Variants in PUM1 observed in about 807,000 individuals in gnomAD.
The protein encoded by PUM1 is pumilio homolog 1.
Under a neutral mutation model 131.8 loss-of-function variants are expected in PUM1, and 13 were observed. The ratio of observed to expected loss-of-function variants is 0.10; its 90% CI spans 0.06 to 0.16. The LOEUF is 0.16. Among genes scored for constraint, PUM1 ranks in the 10% least tolerant of loss-of-function variants. The pLI, the probability that PUM1 is intolerant of heterozygous loss-of-function variation, is 1.00. For synonymous variants in PUM1, 509 were observed against 556.5 expected (o/e 0.91, Z 1.20); for missense variants, 961 against 1,512.4 (o/e 0.64, Z 6.05).
At chr1:31,033,929 C>T (rs1213261225) in intron 2 of PUM1, among the ~76,000 whole-genome samples, 3 of 152,036 alleles carry the variant, frequency 2.0e-5, no homozygotes, top group Non-Finnish European at 4.4e-5. Flanking sequence ...TATTAGCCAC[C>T]GCACCCAGCC....
At chr1:31,013,669 G>T (rs1440672013) in intron 3 of PUM1, among the ~76,000 whole-genome samples, 2 of 152,170 alleles carry the variant, frequency 1.3e-5, no homozygotes, top group Non-Finnish European at 2.9e-5. Context: ...TACATTAAGA[G>T]AAGATGACAT....
At chr1:30,996,148 C>T (rs907944422) in intron 5 of PUM1, among the ~76,000 whole-genome samples, 1 of 152,172 alleles carries the variant, frequency 6.6e-6, no homozygotes, top group Non-Finnish European at 1.5e-5. Context: ...GAACCTTACA[C>T]CAAAGGGTTA....
At chr1:30,986,720 C>T (rs769343673) in intron 7 of PUM1, among the ~76,000 whole-genome samples, 9 of 152,028 alleles carry the variant, frequency 5.9e-5, no homozygotes, top group Non-Finnish European at 7.4e-5. Context: ...AAAATTTGAA[C>T]GAAGTCAAAT....
intron 20 of PUM1, 93 bp from the exon 21 acceptor site, chr1:30,936,928 A>C (rs1262412505): frequency 1.9e-6 from 2 of 1,068,610 alleles, no homozygotes; most frequent in African/African-American, 3.2e-5. Flanking sequence ...CCTCCGGACC[A>C]GCAGGGAGAG....
chr1:31,045,143 C>CT lies in PUM1; in HGVS notation c.363+14060dup, dbSNP rs796248289. Among the ~76,000 whole-genome samples, 292 of 139,006 alleles carry CT rather than the reference C, an allele frequency of 2.1e-3. 1 individual carries two copies. Among genetic ancestry groups the CT allele is most frequent in the Middle Eastern group, 7.7e-3 (2 of 260 alleles). The allele number at this position is 139,006 out of a possible 152,430, so 91.2% of individuals were successfully genotyped here. Reference sequence around the variant, plus strand: ...GATAAACTACAAATCTGTAAAGCTGCTTTTTTTTTTTTTGAGACGAAGTCA... The same window carrying CT: ...GATAAACTACAAATCTGTAAAGCTGCTTTTTTTTTTTTTTGAGACGAAGTCA... On this transcript the variant is annotated intron_variant, in intron 2 of 21. Transcript: ENST00000426105.
chr1:31,047,902 A>G (rs186577751), intron 2 of PUM1, among the ~76,000 whole-genome samples: 1 of 152,226 alleles, frequency 6.6e-6, no homozygotes, highest in East Asian at 1.9e-4. Flanking sequence ...AGATCGCACC[A>G]CTGCACTATA....
At chr1:30,957,087 T>TACATACAC (rs1553145749) in intron 14 of PUM1, among the ~76,000 whole-genome samples, 1 of 139,904 alleles carries the variant, frequency 7.1e-6, no homozygotes, top group African/African-American at 2.7e-5. Flanking sequence ...AGGACATTCA[T>TACATACAC]ACACACACAC....
chr1:30,987,195 ATTT>A (rs35752234), intron 7 of PUM1, among the ~76,000 whole-genome samples: 1 of 140,874 alleles, frequency 7.1e-6, no homozygotes. Context: ...CTAGTAACAA[ATTT>A]TTTTTTTTTT....
At chr1:30,975,095 T>C (rs1448448498) in intron 9 of PUM1, among the ~76,000 whole-genome samples, 1 of 152,028 alleles carries the variant, frequency 6.6e-6, no homozygotes, top group African/African-American at 2.4e-5. Flanking sequence ...TAATAACAGA[T>C]GGAGGATGTA....
chr1:31,029,711 G>C (rs1643348905), intron 2 of PUM1, among the ~76,000 whole-genome samples: 1 of 152,094 alleles, frequency 6.6e-6, no homozygotes, highest in South Asian at 2.1e-4. Context: ...GTTTATTAAA[G>C]ACGTAGGCTC....
chr1:30,973,457 G>T (rs1301881483), intron 10 of PUM1, among the ~76,000 whole-genome samples: 1 of 152,008 alleles, frequency 6.6e-6, no homozygotes, highest in East Asian at 1.9e-4. Context: ...TTTTTCCAAG[G>T]ATAAACTTAT....
At chr1:31,047,316 A>G (rs1643992495) in intron 2 of PUM1, among the ~76,000 whole-genome samples, 1 of 152,214 alleles carries the variant, frequency 6.6e-6, no homozygotes, top group Admixed American at 6.5e-5. Context: ...GAATGTAAAA[A>G]ACAAAGAGGA....
intron 3 of PUM1, among the ~76,000 whole-genome samples, chr1:31,018,239 C>T (rs1557588352): frequency 6.6e-6 from 1 of 152,048 alleles, no homozygotes; most frequent in Non-Finnish European, 1.5e-5. Context: ...ATTCCAGCTA[C>T]TTGGGAGGCT....
At chr1:30,944,397 AAAAAC>A (rs1308083930) in intron 18 of PUM1, among the ~76,000 whole-genome samples, 1 of 152,204 alleles carries the variant, frequency 6.6e-6, no homozygotes, top group East Asian at 1.9e-4. Context: ...TGTTTTGGAA[AAAAAC>A]AAAACAAACA....
chr1:30,981,237 G>C, intron 8 of PUM1, 75 bp downstream of exon 8: 2 of 905,082 alleles, frequency 2.2e-6, no homozygotes, highest in Non-Finnish European at 3.3e-6. Flanking sequence ...TTAAATTACT[G>C]GGTTTCACAG....
intron 2 of PUM1, among the ~76,000 whole-genome samples, chr1:31,048,573 C>A (rs1033021096): frequency 1.3e-5 from 2 of 151,478 alleles, no homozygotes; most frequent in Non-Finnish European, 2.9e-5. Context: ...CTCCCAAGTT[C>A]AAGCAATTCT....
chr1:30,994,101 A>G (rs530317301), intron 6 of PUM1, among the ~76,000 whole-genome samples: 1 of 152,296 alleles, frequency 6.6e-6, no homozygotes, highest in African/African-American at 2.4e-5. Context: ...TAATTTTTAA[A>G]AAGTTTAAGA....
At chr1:31,041,176 TAAATTC>T (rs1643802400) in intron 2 of PUM1, among the ~76,000 whole-genome samples, 1 of 152,076 alleles carries the variant, frequency 6.6e-6, no homozygotes, top group Admixed American at 6.6e-5. Flanking sequence ...AGGAAATAAT[TAAATTC>T]AATTTTGAAT....
At chr1:30,986,928 G>A (rs940846972) in intron 7 of PUM1, among the ~76,000 whole-genome samples, 8 of 152,082 alleles carry the variant, frequency 5.3e-5, no homozygotes, top group East Asian at 1.9e-4. Flanking sequence ...AACACATGCC[G>A]ATTTCCACTC....
Sources: allele counts gnomAD v4.1 joint callset (sites outside exome capture counted in the v4.1 genomes callset), GRCh38; gene constraint gnomAD v4.1.1; transcripts MANE v1.5; gene names NCBI Gene and HGNC (gene_info 2026-07-23, HGNC 2026-07-21).